RTCB: variants seen among roughly 807,000 people sequenced by gnomAD.
The protein encoded by RTCB is RNA-splicing ligase RTCB.
Under a neutral mutation model 58.2 loss-of-function variants are expected in RTCB, and 32 were observed. The ratio of observed to expected loss-of-function variants is 0.55; its 90% confidence interval spans 0.41 to 0.74. The LOEUF (loss-of-function observed/expected upper bound fraction) is 0.74, where lower values mean the gene tolerates loss of function less well. Ranked by LOEUF, RTCB falls within the 30% of genes least tolerant of loss-of-function variation. The pLI, the probability that RTCB is intolerant of heterozygous loss-of-function variation, is 0.00. For missense variants in RTCB, 523 were observed against 639.0 expected (o/e 0.82, Z 1.96); for synonymous variants, 247 against 218.6 (o/e 1.13, Z -1.15).
At chr22:32,403,454 T>A (rs1933371678) in intron 4 of RTCB, among the ~76,000 whole-genome samples, 2 of 152,350 alleles carry the variant, frequency 1.3e-5, no homozygotes, top group Admixed American at 6.5e-5. Flanking sequence ...GTACACAATG[T>A]ACATTTACAT....
intron 4 of RTCB, among the ~76,000 whole-genome samples, chr22:32,402,455 A>C (rs530870925): frequency 5.6e-4 from 85 of 152,144 alleles, no homozygotes; most frequent in African/African-American, 1.9e-3. Flanking sequence ...AAGTACTTTT[A>C]TTTTTCATTT....
At chr22:32,400,458 T>C (rs1933318465) in intron 5 of RTCB, among the ~76,000 whole-genome samples, 1 of 152,228 alleles carries the variant, frequency 6.6e-6, no homozygotes, top group Admixed American at 6.5e-5. Context: ...CATTTCACTA[T>C]CATTATTTCA....
chr22:32,398,001 C>T lies in RTCB; in HGVS notation c.754G>A (p.Gly252Arg), dbSNP rs769004092. 8 of 1,614,168 alleles carry T rather than the reference C, an allele frequency of 5.0e-6. No homozygotes were observed. The highest frequency in any genetic ancestry group is 6.8e-6 in the Non-Finnish European group (8 of 1,180,038). ...CTGTGGATCATCACACACACCTGTCCCTTATGGTCGATGCCCATTTTTTTA... is the reference window on the plus strand; with the variant it reads ...CTGTGGATCATCACACACACCTGTCTCTTATGGTCGATGCCCATTTTTTTA... ...AAKKMGIDHK[G>R]QVCVMIHSGS... is the part of the protein sequence containing the mutation. Residue 252 changes from glycine (G) to arginine (R), a missense_variant, in exon 7 of 12, where the codon GGA becomes AGA. Around this residue, in one of 3 missense-constraint regions of RTCB, gnomAD observed 141 missense variants for 216.7 expected, o/e 0.65. Transcript: ENST00000216038.
chr22:32,396,830 G>A (rs1933253891), intron 7 of RTCB, among the ~76,000 whole-genome samples: 1 of 152,166 alleles, frequency 6.6e-6, no homozygotes, highest in African/African-American at 2.4e-5. Flanking sequence ...TTCGCTGTTG[G>A]AGGCCGAAAG....
intron 6 of RTCB, 58 bp from the exon 7 acceptor site, chr22:32,398,158 A>G (rs1601426972): frequency 1.3e-6 from 2 of 1,551,482 alleles, no homozygotes; most frequent in Non-Finnish European, 1.7e-6. Flanking sequence ...TTTTTAATCT[A>G]TTTAAAAACC....
At chr22:32,394,295 T>C (rs552804270) in intron 9 of RTCB, among the ~76,000 whole-genome samples, 8 of 152,194 alleles carry the variant, frequency 5.3e-5, no homozygotes, top group African/African-American at 1.7e-4. Context: ...GTATTTTTAG[T>C]AGAGGCGGAG....
At position 32,387,940 on chromosome 22, in the gene RTCB, C is replaced by T; in HGVS notation, c.*52G>A. ...GATGTCAGAAGAGCATGTCAGTCCA[C>T]TTCCACTTCAGAGAGGGTTGGTGGT... On this transcript the variant is annotated 3_prime_UTR_variant, in exon 12 of 12. Transcript: ENST00000216038. 8.4e-7 allele frequency: 1 copy of T among 1,195,190 alleles called. No individual in the cohort carries two copies. Among genetic ancestry groups the T allele is most frequent in the Admixed American group, 1.7e-5 (1 of 58,984 alleles). 74.0% of individuals were successfully genotyped at this position (1,195,190 alleles called of 1,614,324 possible).
At chr22:32,399,192 A>G (rs2145893469) in intron 6 of RTCB, among the ~76,000 whole-genome samples, 1 of 152,286 alleles carries the variant, frequency 6.6e-6, no homozygotes, top group South Asian at 2.1e-4. Flanking sequence ...GCTGGAGTGC[A>G]CTGGCGTGAT....
intron 4 of RTCB, among the ~76,000 whole-genome samples, chr22:32,405,223 ATTC>A (rs1417118964): frequency 2.6e-5 from 4 of 152,202 alleles, no homozygotes; most frequent in Admixed American, 6.5e-5. Context: ...GTACTTATAT[ATTC>A]TTGTCTTTAA....
rs576800502 is a variant in RTCB at position 32,387,612 on chromosome 22, T to C, written c.*380A>G. On this transcript the variant is annotated 3_prime_UTR_variant, in exon 12 of 12. Transcript: ENST00000216038. ...TCCAAAACCTTATTGAACAGAACTT[T>C]CTTCATGACACCTCTCGGAATGTAA... The C allele has an allele frequency of 9.7e-5, 19 of 195,720 alleles. No individual in the cohort carries two copies. Among genetic ancestry groups the C allele is most frequent in the East Asian group, 3.9e-4 (3 of 7,630 alleles). The allele number at this position is 195,720 out of a possible 1,614,324, so 12.1% of individuals were successfully genotyped here.
At chr22:32,394,324 G>T (rs1601425063) in intron 9 of RTCB, among the ~76,000 whole-genome samples, 2 of 152,180 alleles carry the variant, frequency 1.3e-5, no homozygotes, top group East Asian at 3.9e-4. Flanking sequence ...TGTTAGCCAG[G>T]ATGGTCTCGA....
chr22:32,394,814 T>C (rs543061877), intron 9 of RTCB, among the ~76,000 whole-genome samples: 1 of 151,606 alleles, frequency 6.6e-6, no homozygotes, highest in African/African-American at 2.4e-5. Flanking sequence ...ATACACTTCC[T>C]GCAGCACTTG....
At position 32,398,120 on chromosome 22, in the gene RTCB, T is replaced by C; in HGVS notation, c.655-20A>G. 6.2e-7 allele frequency: 1 copy of C among 1,601,438 alleles called. No individual in the cohort carries two copies. Among genetic ancestry groups the C allele is most frequent in the Non-Finnish European group, 8.5e-7 (1 of 1,176,658 alleles). On this transcript the variant is annotated intron_variant, in intron 6 of 11. Coordinates refer to ENST00000216038, the MANE Select transcript of RTCB (RefSeq NM_014306.5). ...CCCCAACTGCAAATGTAAAAATGTCTGGTAAGATAGTTTTTATTCCAGTTT... is the reference window on the plus strand; with the variant it reads ...CCCCAACTGCAAATGTAAAAATGTCCGGTAAGATAGTTTTTATTCCAGTTT...
intron 7 of RTCB, among the ~76,000 whole-genome samples, chr22:32,396,877 G>A (rs997758932): frequency 1.5e-4 from 23 of 152,172 alleles, no homozygotes; most frequent in African/African-American, 5.3e-4. Flanking sequence ...ACCACTGGAG[G>A]CTATGAGTAA....
chr22:32,403,945 G>A (rs1933379811), intron 4 of RTCB, among the ~76,000 whole-genome samples: 1 of 152,164 alleles, frequency 6.6e-6, no homozygotes, highest in Admixed American at 6.5e-5. Context: ...TTTCGTTTCT[G>A]TGTCTGGCCT....
chr22:32,410,442 T>G (rs1933500719), intron 1 of RTCB, among the ~76,000 whole-genome samples: 1 of 148,334 alleles, frequency 6.7e-6, no homozygotes, highest in Non-Finnish European at 1.5e-5. Context: ...CTGTGTGAAA[T>G]TCACTGCTCT....
chr22:32,403,393 C>A (rs1411001329), intron 4 of RTCB, among the ~76,000 whole-genome samples: 2 of 150,566 alleles, frequency 1.3e-5, no homozygotes, highest in Non-Finnish European at 2.9e-5. Context: ...GGCAACAGAG[C>A]GAGACTCCGT....
At chr22:32,391,395 ATT>A (rs200157911) in intron 11 of RTCB, among the ~76,000 whole-genome samples, 31 of 141,758 alleles carry the variant, frequency 2.2e-4, no homozygotes, top group South Asian at 2.3e-4. Flanking sequence ...CAATAAGTAA[ATT>A]TTTTTTTTTT....
chr22:32,392,069 A>G (rs957954509), intron 11 of RTCB, among the ~76,000 whole-genome samples, 171 bp downstream of exon 11: 1 of 152,226 alleles, frequency 6.6e-6, no homozygotes, highest in African/African-American at 2.4e-5. Context: ...AAATGAAAAC[A>G]TAAAACTGAA....
Sources: gnomAD v4.1 joint callset for allele counts (sites outside exome capture counted in the v4.1 genomes callset) on GRCh38, gnomAD v4.1.1 for gene constraint, gnomAD v4.1.1 regional missense constraint, MANE v1.5 for transcripts, NCBI Gene and HGNC (gene_info 2026-07-23, HGNC 2026-07-21) for gene names.